The following EPYC variants were observed in gnomAD, a reference collection of about 807,000 sequenced individuals.
EPYC encodes epiphycan.
EPYC carries 28 observed loss-of-function variants against 30.1 expected under a neutral mutation model. The ratio of observed to expected loss-of-function variants is 0.93; its 90% CI spans 0.69 to 1.28. EPYC has a LOEUF of 1.28. EPYC is among the 50% of genes most tolerant of loss of function. The pLI is 0.00. For missense variants in EPYC, 382 were observed against 383.5 expected (o/e 1.00, Z 0.03); for synonymous variants, 144 against 141.4 (o/e 1.02, Z -0.13).
intron 2 of EPYC, among the ~76,000 whole-genome samples, chr12:90,987,144 C>T (rs1877469415): frequency 6.6e-6 from 1 of 152,048 alleles, no homozygotes; most frequent in South Asian, 2.1e-4. Context: ...TTAAAATTTA[C>T]CTTGATCAAA....
In EPYC at chr12:90,971,881, T is replaced by C; in HGVS notation, c.621A>G (p.Pro207=). Residue 207 remains proline (P), a synonymous_variant, in exon 5 of 7, where the codon CCA becomes CCG. Coordinates refer to ENST00000261172, the MANE Select transcript of EPYC (RefSeq NM_004950.5). Reference sequence around the variant, plus strand: ...TAAATGTCAAAGTGGTTGGCAATTCTGGGAGCTGCCTTATTTTGTTGTCAC... The same window carrying C: ...TAAATGTCAAAGTGGTTGGCAATTCCGGGAGCTGCCTTATTTTGTTGTCAC... ...VLRDNKIRQL[P]ELPTTLTFID... The C allele has an allele frequency of 1.2e-6, 2 of 1,612,378 alleles. No individual in the cohort carries two copies. Among genetic ancestry groups the C allele is most frequent in the Non-Finnish European group, 1.7e-6 (2 of 1,179,276 alleles).
At chr12:90,973,016 A>G in intron 3 of EPYC, 36 bp from the exon 4 acceptor site, 1 of 1,409,246 alleles carries the variant, frequency 7.1e-7, no homozygotes, top group South Asian at 1.3e-5. Flanking sequence ...AAATGTAAGT[A>G]CCAAATCAAT....
At chr12:91,002,304 C>A in intron 2 of EPYC, 97 bp downstream of exon 2, 3 of 948,888 alleles carry the variant, frequency 3.2e-6, no homozygotes, top group East Asian at 3.1e-5. Flanking sequence ...AATCTTTCTA[C>A]TTATAAAAAA....
At chr12:90,996,101 T>C (rs1043032630) in intron 2 of EPYC, among the ~76,000 whole-genome samples, 3 of 151,898 alleles carry the variant, frequency 2.0e-5, no homozygotes, top group Non-Finnish European at 4.4e-5. Context: ...ATTGCATATC[T>C]TTTGCCACCA....
At chr12:90,977,619 G>A (rs150610497) in intron 3 of EPYC, among the ~76,000 whole-genome samples, 3 of 152,224 alleles carry the variant, frequency 2.0e-5, no homozygotes, top group African/African-American at 7.2e-5. Context: ...ACTCTGACAG[G>A]GAGGTTTTAA....
At chr12:91,002,321 A>C in intron 2 of EPYC, 80 bp downstream of exon 2, 1 of 1,250,292 alleles carries the variant, frequency 8.0e-7, no homozygotes, top group Admixed American at 2.5e-5. Context: ...AAAAACCCAA[A>C]CATCTATTTG....
chr12:91,004,758 T>A (rs1421727234), intron 1 of EPYC, among the ~76,000 whole-genome samples, 189 bp downstream of exon 1: 1 of 152,096 alleles, frequency 6.6e-6, no homozygotes, highest in Non-Finnish European at 1.5e-5. Flanking sequence ...ATGTTATTAA[T>A]TCCTAAGCTA....
chr12:90,964,169 C>T lies in EPYC; in HGVS notation c.956G>A (p.Gly319Glu), dbSNP rs1876832174. Reference protein sequence around the residue: ...AYMCLPRLPVGSLV With the variant: ...AYMCLPRLPVESLV Reference sequence around the variant, plus strand: ...CATTATCTGAAATTAGACAAGGCTCCCAACAGGCAGACGAGGTAGACACAT... The same window carrying T: ...CATTATCTGAAATTAGACAAGGCTCTCAACAGGCAGACGAGGTAGACACAT... The change falls in exon 7 of 7, where the codon GGG (glycine) becomes GAG (glutamate). Residue 319 changes from glycine to glutamate, a missense_variant. By Grantham distance (98) the Gly-to-Glu change is moderately conservative. Coordinates refer to ENST00000261172, the MANE Select transcript of EPYC (RefSeq NM_004950.5). The T allele has an allele frequency of 6.2e-7, 1 of 1,611,254 alleles. No homozygotes were observed. Among genetic ancestry groups the T allele is most frequent in the African/African-American group, 1.3e-5 (1 of 74,978 alleles).
chr12:90,976,564 C>T (rs73212460), intron 3 of EPYC, among the ~76,000 whole-genome samples: 10,199 of 152,108 alleles, frequency 0.067, 581 homozygotes, highest in South Asian at 0.2. Context: ...GTCCAAGAAA[C>T]TCTCAGTTTT....
At chr12:90,999,699 A>G (rs1039494835) in intron 2 of EPYC, among the ~76,000 whole-genome samples, 1 of 152,138 alleles carries the variant, frequency 6.6e-6, no homozygotes, top group Non-Finnish European at 1.5e-5. Context: ...CTGGACTTCC[A>G]GGACTGCATG....
chr12:90,984,826 A>G (rs1877412036), intron 2 of EPYC, among the ~76,000 whole-genome samples: 2 of 152,064 alleles, frequency 1.3e-5, no homozygotes, highest in Admixed American at 6.5e-5. Flanking sequence ...GCTATCGGTT[A>G]TGTTCCCTTC....
rs978258743 is a variant in EPYC, at chr12:90,972,703, A to G, written c.499+119T>C. 7.8e-6 allele frequency: 7 copies of G among 897,754 alleles called. No individual in the cohort carries two copies. In the East Asian group the frequency reaches 1.6e-4, roughly 21 times the overall value. 55.6% of individuals were successfully genotyped at this position (897,754 alleles called of 1,614,324 possible). A position where few individuals can be genotyped will look rare whatever the true frequency, so the allele number is the denominator to read the frequency against. On this transcript the variant is annotated intron_variant, in intron 4 of 6. Coordinates refer to ENST00000261172, the MANE Select transcript of EPYC (RefSeq NM_004950.5). ...TCAAATTTTTAAATAACAAAAAACT[A>G]TTGATTCATGAACCAGGCTTTGGCA...
intron 2 of EPYC, among the ~76,000 whole-genome samples, chr12:91,001,297 G>T (rs1045377494): frequency 6.6e-6 from 1 of 151,914 alleles, no homozygotes; most frequent in Non-Finnish European, 1.5e-5. Context: ...TTAAATATAC[G>T]ATTTCATCTA....
chr12:90,987,767 C>A (rs1877487167), intron 2 of EPYC, among the ~76,000 whole-genome samples: 1 of 152,154 alleles, frequency 6.6e-6, no homozygotes, highest in South Asian at 2.1e-4. Flanking sequence ...CTGAGAAGCA[C>A]TATCTATGTG....
chr12:90,999,246 A>G (rs1170822014), intron 2 of EPYC, among the ~76,000 whole-genome samples: 1 of 152,042 alleles, frequency 6.6e-6, no homozygotes, highest in Non-Finnish European at 1.5e-5. Context: ...CTTTTAGGGA[A>G]CATCTTAGAA....
intron 2 of EPYC, among the ~76,000 whole-genome samples, chr12:90,993,187 T>G (rs1737017485): frequency 6.6e-6 from 1 of 152,300 alleles, no homozygotes; most frequent in South Asian, 2.1e-4. Flanking sequence ...CCTTCCCTTT[T>G]GGGGATAATT....
At chr12:91,001,765 G>A (rs1030710523) in intron 2 of EPYC, among the ~76,000 whole-genome samples, 1 of 151,782 alleles carries the variant, frequency 6.6e-6, no homozygotes, top group Admixed American at 6.6e-5. Flanking sequence ...ACATCATTGC[G>A]TGCATACCAT....
rs556280819 is a variant in EPYC at position 90,979,971 on chromosome 12, T to A, written c.166-1709A>T. 2.0e-5 allele frequency among the ~76,000 whole-genome samples: 3 copies of A among 152,246 alleles called. 1 individual carries two copies. Among genetic ancestry groups the A allele is most frequent in the Middle Eastern group, 6.8e-3 (2 of 294 alleles). Reference sequence around the variant, plus strand: ...ACTGTCTTTGATACTTTAGGAGCAATACATGAAGATACAATAAAGCTTGAC... The same window carrying A: ...ACTGTCTTTGATACTTTAGGAGCAAAACATGAAGATACAATAAAGCTTGAC... On this transcript the variant is annotated intron_variant, in intron 2 of 6. Transcript: ENST00000261172.
intron 6 of EPYC, 99 bp downstream of exon 6, chr12:90,969,945 T>G: frequency 1.3e-6 from 1 of 780,912 alleles, no homozygotes. Context: ...TATCACAGTG[T>G]GTCAACATGC....
Sources: allele counts gnomAD v4.1 joint callset (sites outside exome capture counted in the v4.1 genomes callset), GRCh38; gene constraint gnomAD v4.1.1; transcripts MANE v1.5; gene names NCBI Gene and HGNC (gene_info 2026-07-23, HGNC 2026-07-21).